MAN1A2: variants seen among roughly 807,000 people sequenced by gnomAD.
The protein encoded by MAN1A2 is mannosidase alpha class 1A member 2.
MAN1A2 carries 26 observed loss-of-function variants against 75.7 expected under a neutral mutation model. The observed-to-expected ratio is 0.34, with a 90% CI of 0.25 to 0.48. The LOEUF (loss-of-function observed/expected upper bound fraction) is 0.48. Among genes scored for constraint, MAN1A2 ranks in the 20% least tolerant of loss-of-function variants. MAN1A2 has a pLI of 0.99. For missense variants in MAN1A2, 562 were observed against 775.5 expected, an observed-to-expected ratio of 0.72 and a Z score of 3.27; for synonymous variants, 247 against 264.6, an observed-to-expected ratio of 0.93 and a Z score of 0.65.
chr1:117,452,220 T>C (rs1316590143), intron 6 of MAN1A2, among the ~76,000 whole-genome samples: 2 of 149,022 alleles, frequency 1.3e-5, no homozygotes, highest in South Asian at 2.1e-4. Flanking sequence ...GGCAAGAGAA[T>C]CACTTGAACC....
intron 4 of MAN1A2, among the ~76,000 whole-genome samples, chr1:117,417,559 G>C (rs368004596): frequency 2.4e-5 from 1 of 41,666 alleles, no homozygotes. Flanking sequence ...ATATATATAT[G>C]TGATATATAT....
intron 8 of MAN1A2, among the ~76,000 whole-genome samples, chr1:117,485,941 A>G (rs1462776629): frequency 1.3e-5 from 2 of 151,952 alleles, no homozygotes; most frequent in Non-Finnish European, 2.9e-5. Flanking sequence ...ATTCCCACTC[A>G]GGGGATAGAA....
In MAN1A2 at chr1:117,519,346, A is replaced by G. The variant is rs12064131; in HGVS notation, c.1794-3479A>G. ...AGGAAATAACCAAGATCAGAGCAGA[A>G]CTAAATGAAATTGAAACAAAAAAAA... On this transcript the variant is annotated intron_variant, in intron 12 of 12. Transcript: ENST00000356554. 8.7e-3 allele frequency among the ~76,000 whole-genome samples: 1,330 copies of G among 152,220 alleles called. 14 individuals are homozygous for G. The highest frequency in any genetic ancestry group is 0.03 in the African/African-American group (1,249 of 41,552).
At chr1:117,503,627 G>T (rs370163378) in intron 12 of MAN1A2, among the ~76,000 whole-genome samples, 5 of 151,492 alleles carry the variant, frequency 3.3e-5, no homozygotes, top group Middle Eastern at 3.4e-3. Context: ...CTTCATACTC[G>T]CTCTTAAATT....
chr1:117,499,526 A>G lies in MAN1A2; in HGVS notation c.1649A>G (p.Tyr550Cys). The G allele has an allele frequency of 6.2e-7, 1 of 1,606,766 alleles. No homozygotes were observed. The highest frequency in any genetic ancestry group is 8.5e-7 in the Non-Finnish European group (1 of 1,176,458). ...TGGCGATTCACTCACGATCCAAGAT[A>G]CAGGCAGTGGGGCTGGGAAGCAGCA... ...YLWRFTHDPR[Y>C]RQWGWEAALA... The change falls in exon 11 of 13, where the codon TAC becomes TGC. Residue 550 changes from tyrosine to cysteine, a missense_variant. Physicochemically the swap from Tyr to Cys is radical, Grantham distance 194. This residue lies in a region of MAN1A2 where 434 missense variants were observed against 645.7 expected (regional missense o/e 0.67). Transcript: ENST00000356554.
chr1:117,474,778 A>C (rs1278202943), intron 8 of MAN1A2, among the ~76,000 whole-genome samples: 1 of 151,930 alleles, frequency 6.6e-6, no homozygotes, highest in Non-Finnish European at 1.5e-5. Flanking sequence ...TATGGAAATC[A>C]TGATCACAAT....
chr1:117,405,492 TAAAA>T (rs1201482114), intron 2 of MAN1A2, 53 bp from the exon 3 acceptor site: 5 of 1,083,496 alleles, frequency 4.6e-6, no homozygotes, highest in Non-Finnish European at 7.2e-6. Context: ...TTGTATGAAA[TAAAA>T]AAACAGTTTG....
chr1:117,367,995 G>T lies in MAN1A2; in HGVS notation c.-189G>T. 1.7e-6 allele frequency: 1 copy of T among 586,528 alleles called. No homozygotes were observed. Among genetic ancestry groups the T allele is most frequent in the East Asian group, 2.8e-5 (1 of 35,362 alleles). 36.3% of individuals were successfully genotyped at this position (586,528 alleles called of 1,614,324 possible). A position where few individuals can be genotyped will look rare whatever the true frequency, so the allele number is the denominator to read the frequency against. ...CTAAACTTGTGATCGTTTGGGGGAG[G>T]TCACACACGTTTCTGAGTGGGAATG... On this transcript the variant is annotated 5_prime_UTR_variant, in exon 1 of 13. Coordinates refer to ENST00000356554, the MANE Select transcript of MAN1A2 (RefSeq NM_006699.5).
At chr1:117,429,975 G>A (rs1189149144) in intron 5 of MAN1A2, among the ~76,000 whole-genome samples, 2 of 69,698 alleles carry the variant, frequency 2.9e-5, no homozygotes, top group East Asian at 4.5e-4. Flanking sequence ...GGCTGGCCGG[G>A]CGGAGGGCTG....
chr1:117,438,610 G>A (rs1369863591), intron 5 of MAN1A2, among the ~76,000 whole-genome samples: 1 of 152,154 alleles, frequency 6.6e-6, no homozygotes, highest in Non-Finnish European at 1.5e-5. Flanking sequence ...TTCGTTCATG[G>A]TCAGTGCCCT....
rs566203433 is a variant in MAN1A2, at chr1:117,505,530, CAT to C, written c.1793+2565_1793+2566del. On this transcript the variant is annotated intron_variant, in intron 12 of 12. Coordinates refer to ENST00000356554, the MANE Select transcript of MAN1A2 (RefSeq NM_006699.5). ...GCTACAATTTTTGCTTTTAGAAAAA[CAT>C]ATATCTGGAGCAATAAAAGTGAAAA... 1.9e-4 allele frequency among the ~76,000 whole-genome samples: 29 copies of C among 150,974 alleles called. No individual in the cohort carries two copies. In the East Asian group the frequency reaches 4.9e-3, roughly 25 times the overall value.
intron 5 of MAN1A2, 93 bp from the exon 6 acceptor site, chr1:117,442,138 G>A: frequency 5.0e-6 from 4 of 806,248 alleles, no homozygotes; most frequent in South Asian, 3.0e-5. Flanking sequence ...CGTGTACCCA[G>A]TACCTTGTGC....
Position 117,493,194 on chromosome 1 carries a change from C to T in MAN1A2, c.1216C>T (p.Leu406=), listed in dbSNP as rs145196086. ...GLGDSFYEYL[L]KAWLMSDKTD... ...GGGAGACAGTTTTTATGAATACTTA[C>T]TGAAAGCATGGTTGATGTCAGATAA... The change falls in exon 9 of 13, where the codon CTG becomes TTG. Residue 406 remains leucine (L), a synonymous_variant. Transcript: ENST00000356554. 2.5e-6 allele frequency: 4 copies of T among 1,612,216 alleles called. No homozygotes were observed. The highest frequency in any genetic ancestry group is 3.4e-6 in the Non-Finnish European group (4 of 1,178,964).
chr1:117,408,097 C>T (rs1277216344), intron 3 of MAN1A2, among the ~76,000 whole-genome samples: 1 of 151,976 alleles, frequency 6.6e-6, no homozygotes, highest in Non-Finnish European at 1.5e-5. Context: ...TGTAAGTTAG[C>T]ACTGATACTA....
chr1:117,395,977 T>A (rs1258064145), intron 1 of MAN1A2, among the ~76,000 whole-genome samples: 1 of 152,222 alleles, frequency 6.6e-6, no homozygotes, highest in Non-Finnish European at 1.5e-5. Flanking sequence ...AGTGTCCTTT[T>A]CCCATGGAGT....
chr1:117,427,157 CAT>C (rs1648401702), intron 5 of MAN1A2, among the ~76,000 whole-genome samples: 1 of 133,556 alleles, frequency 7.5e-6, no homozygotes, highest in African/African-American at 3.2e-5. Flanking sequence ...GAAAATGATC[CAT>C]TTTTTTTTTT....
intron 8 of MAN1A2, among the ~76,000 whole-genome samples, chr1:117,485,098 G>A (rs997596883): frequency 1.3e-5 from 2 of 151,900 alleles, no homozygotes; most frequent in African/African-American, 4.8e-5. Context: ...AAATCATCTT[G>A]AATAACAAAG....
At chr1:117,395,519 T>A (rs1247740125) in intron 1 of MAN1A2, among the ~76,000 whole-genome samples, 1 of 152,202 alleles carries the variant, frequency 6.6e-6, no homozygotes, top group Non-Finnish European at 1.5e-5. Flanking sequence ...CAATTACTAG[T>A]TTTGTTGTCA....
chr1:117,401,840 T>C (rs1178716996), intron 1 of MAN1A2, among the ~76,000 whole-genome samples: 1 of 152,188 alleles, frequency 6.6e-6, no homozygotes, highest in Non-Finnish European at 1.5e-5. Context: ...TGTTTATATT[T>C]TTGTCTCTTC....
Sources: gnomAD v4.1 joint callset for allele counts (sites outside exome capture counted in the v4.1 genomes callset) on GRCh38, gnomAD v4.1.1 for gene constraint, gnomAD v4.1.1 regional missense constraint, MANE v1.5 for transcripts, NCBI Gene and HGNC (gene_info 2026-07-23, HGNC 2026-07-21) for gene names.